The following PDE11A variants were observed in gnomAD, a reference collection of about 807,000 sequenced individuals.
PDE11A encodes phosphodiesterase 11A, also known as dual 3',5'-cyclic-AMP and -GMP phosphodiesterase 11A.
Under a neutral mutation model 100.5 loss-of-function variants are expected in PDE11A, and 100 were observed. The ratio of observed to expected loss-of-function variants is 1.00; its 90% confidence interval spans 0.85 to 1.18. The LOEUF (loss-of-function observed/expected upper bound fraction) is 1.18. Ranked by LOEUF, PDE11A falls within the 50% of genes most tolerant of loss-of-function variation. The pLI is 0.00. For synonymous variants in PDE11A, 381 were observed against 420.8 expected (o/e 0.91, Z 1.16); for missense variants, 1,141 against 1,152.6 (o/e 0.99, Z 0.15).
intron 19 of PDE11A, among the ~76,000 whole-genome samples, chr2:177,631,817 G>C (rs959401532): frequency 3.3e-5 from 5 of 151,718 alleles, no homozygotes; most frequent in Admixed American, 1.3e-4. Context: ...ACGTGGATGA[G>C]GGGGAGCTTC....
intron 9 of PDE11A, among the ~76,000 whole-genome samples, chr2:177,789,653 C>T (rs2082596912): frequency 6.6e-6 from 1 of 151,884 alleles, no homozygotes; most frequent in African/African-American, 2.4e-5. Flanking sequence ...TTGTCTCAGC[C>T]CAAAATCTTC....
At chr2:177,903,398 C>A (rs2084729335) in intron 3 of PDE11A, among the ~76,000 whole-genome samples, 1 of 152,130 alleles carries the variant, frequency 6.6e-6, no homozygotes, top group Non-Finnish European at 1.5e-5. Flanking sequence ...GCTACCTATA[C>A]TATGCAATTT....
In PDE11A at chr2:177,902,538, A is replaced by G. The variant is rs528688837; in HGVS notation, c.1161+2560T>C. ...GTCACTTGCCTTCCAGGAAATGAGT[A>G]TCTGCATTTTGTCCCTCCTTCTAGT... On this transcript the variant is annotated intron_variant, in intron 3 of 19. Coordinates refer to ENST00000286063, the MANE Select transcript of PDE11A (RefSeq NM_016953.4). Among the ~76,000 whole-genome samples, 8 of 152,316 alleles carry G rather than the reference A, an allele frequency of 5.3e-5. No homozygotes were observed. The East Asian group carries it at 1.5e-3, about 29-fold the overall frequency.
chr2:177,663,976 G>A (rs758882110), intron 18 of PDE11A, 27 bp from the exon 19 acceptor site: 2 of 1,374,866 alleles, frequency 1.5e-6, no homozygotes, highest in African/African-American at 1.4e-5. Context: ...GAAGAACCTC[G>A]CTTTATTACA....
chr2:178,016,131 A>ATTTTTTTTTTTTTT (rs55638601), intron 1 of PDE11A, among the ~76,000 whole-genome samples: 21 of 83,740 alleles, frequency 2.5e-4, no homozygotes, highest in East Asian at 3.8e-4. Flanking sequence ...TGCCTGGCTA[A>ATTTTTTTTTTTTTT]TTTTTTTTTT....
intron 10 of PDE11A, among the ~76,000 whole-genome samples, chr2:177,738,128 T>A (rs532499018): frequency 1.2e-5 from 1 of 83,692 alleles, no homozygotes; most frequent in South Asian, 4.4e-4. Context: ...TTTGTGTGAA[T>A]CCGGTGCTCC....
At chr2:177,683,836 C>G (rs1019243530) in intron 15 of PDE11A, among the ~76,000 whole-genome samples, 1 of 152,078 alleles carries the variant, frequency 6.6e-6, no homozygotes, top group Non-Finnish European at 1.5e-5. Context: ...GGACCCACAC[C>G]GACCTGGCTT....
intron 17 of PDE11A, 21 bp downstream of exon 17, chr2:177,675,434 C>T: frequency 3.8e-6 from 6 of 1,590,292 alleles, no homozygotes; most frequent in African/African-American, 1.3e-5. Flanking sequence ...CTGCTGAGCC[C>T]TGCCATTAAT....
intron 9 of PDE11A, among the ~76,000 whole-genome samples, chr2:177,796,908 A>G (rs564292733): frequency 1.4e-4 from 22 of 152,190 alleles, no homozygotes; most frequent in South Asian, 4.1e-4. Context: ...CAACAGAGAC[A>G]CTGGCTATTA....
intron 4 of PDE11A, among the ~76,000 whole-genome samples, chr2:177,891,182 C>T (rs531503641): frequency 3.3e-5 from 5 of 152,102 alleles, no homozygotes; most frequent in African/African-American, 7.2e-5. Context: ...TTCAGCTATT[C>T]GGGAGGCTGG....
At chr2:177,893,371 C>G (rs898847240) in intron 4 of PDE11A, among the ~76,000 whole-genome samples, 2 of 152,140 alleles carry the variant, frequency 1.3e-5, no homozygotes, top group Admixed American at 6.5e-5. Flanking sequence ...CTCCTGGGCT[C>G]AAGCAATCCT....
intron 2 of PDE11A, among the ~76,000 whole-genome samples, chr2:177,962,443 T>C (rs940931366): frequency 2.0e-5 from 3 of 152,120 alleles, no homozygotes; most frequent in Non-Finnish European, 2.9e-5. Context: ...TTATATAGTA[T>C]ACTATCATGG....
In PDE11A at chr2:177,769,306, A is replaced by T; in HGVS notation, c.1788+17T>A. The T allele has an allele frequency of 6.6e-7, 1 of 1,513,418 alleles. No homozygotes were observed. The highest frequency in any genetic ancestry group is 1.1e-5 in the South Asian group (1 of 89,108). 93.7% of individuals were successfully genotyped at this position (1,513,418 alleles called of 1,614,324 possible). Reference sequence around the variant, plus strand: ...TTTAACTGTATGCACTAATAAGGAAACCATTTTCTTCCTTACCTTAAACTT... The same window carrying T: ...TTTAACTGTATGCACTAATAAGGAATCCATTTTCTTCCTTACCTTAAACTT... On this transcript the variant is annotated intron_variant, in intron 10 of 19. Transcript: ENST00000286063.
chr2:177,876,627 A>T (rs1382959904), intron 4 of PDE11A, among the ~76,000 whole-genome samples: 1 of 148,406 alleles, frequency 6.7e-6, no homozygotes, highest in Non-Finnish European at 1.5e-5. Context: ...TTATTTCTTT[A>T]TTATAAATCT....
At chr2:177,938,308 G>A (rs1313857462) in intron 2 of PDE11A, among the ~76,000 whole-genome samples, 1 of 152,172 alleles carries the variant, frequency 6.6e-6, no homozygotes, top group Non-Finnish European at 1.5e-5. Flanking sequence ...CAGTAAGGAG[G>A]TAGGGTTAGG....
At chr2:177,955,649 A>T (rs1174685762) in intron 2 of PDE11A, among the ~76,000 whole-genome samples, 2 of 152,310 alleles carry the variant, frequency 1.3e-5, no homozygotes, top group Middle Eastern at 6.8e-3. Flanking sequence ...ACGCTACCTG[A>T]CTTCAAACTA....
chr2:177,971,150 T>C (rs568633306), intron 2 of PDE11A, among the ~76,000 whole-genome samples: 3 of 152,156 alleles, frequency 2.0e-5, no homozygotes, highest in Non-Finnish European at 4.4e-5. Context: ...CATTGCTGTA[T>C]AGAAAAACCA....
chr2:177,701,814 A>C (rs2081201748), intron 13 of PDE11A, among the ~76,000 whole-genome samples: 1 of 152,182 alleles, frequency 6.6e-6, no homozygotes, highest in Admixed American at 6.5e-5. Flanking sequence ...TTTCCAGTCC[A>C]TAGTCACACT....
intron 12 of PDE11A, among the ~76,000 whole-genome samples, chr2:177,726,895 G>A (rs1467501370): frequency 2.0e-5 from 3 of 151,916 alleles, no homozygotes; most frequent in Non-Finnish European, 4.4e-5. Flanking sequence ...ATATAACTAT[G>A]AAGCCAAAGA....
Sources: allele counts gnomAD v4.1 joint callset (sites outside exome capture counted in the v4.1 genomes callset), GRCh38; gene constraint gnomAD v4.1.1; transcripts MANE v1.5; gene names NCBI Gene and HGNC (gene_info 2026-07-23, HGNC 2026-07-21).